Variants in IGSF11 observed in about 807,000 individuals in gnomAD.
IGSF11 encodes CXADR like 1.
In IGSF11, 22 loss-of-function variants were observed where a neutral mutation model predicts 41.0. The ratio of observed to expected loss-of-function variants is 0.54; its 90% CI spans 0.38 to 0.77. The LOEUF (loss-of-function observed/expected upper bound fraction) is 0.77, where lower values mean the gene tolerates loss of function less well. Among genes scored for constraint, IGSF11 ranks in the 30% least tolerant of loss-of-function variants. The pLI, the probability that IGSF11 is intolerant of heterozygous loss-of-function variation, is 0.00. For missense variants in IGSF11, 444 were observed against 530.8 expected, an observed-to-expected ratio of 0.84 and a Z score of 1.61; for synonymous variants, 219 against 201.3, an observed-to-expected ratio of 1.09 and a Z score of -0.74.
chr3:119,053,721 CA>C (rs1350568061), intron 1 of IGSF11, among the ~76,000 whole-genome samples: 3 of 151,926 alleles, frequency 2.0e-5, no homozygotes, highest in Non-Finnish European at 2.9e-5. Context: ...CAAGACTAAG[CA>C]AAAAGAACAA....
chr3:119,061,958 T>C (rs541646608), intron 1 of IGSF11, among the ~76,000 whole-genome samples: 2 of 152,318 alleles, frequency 1.3e-5, no homozygotes, highest in East Asian at 3.9e-4. Flanking sequence ...AAAGGTTTGC[T>C]TAATTTCAAC....
intron 1 of IGSF11, among the ~76,000 whole-genome samples, chr3:119,139,507 T>C (rs1224514159): frequency 1.3e-5 from 2 of 152,230 alleles, no homozygotes; most frequent in East Asian, 1.9e-4. Flanking sequence ...TGAGATCTGA[T>C]GGTTTTAAAA....
chr3:119,143,692 T>C (rs530929797), intron 1 of IGSF11, among the ~76,000 whole-genome samples: 1 of 152,240 alleles, frequency 6.6e-6, no homozygotes, highest in East Asian at 1.9e-4. Flanking sequence ...TTTTTTTAAA[T>C]GTGATCCAAC....
intron 1 of IGSF11, among the ~76,000 whole-genome samples, chr3:119,103,512 T>C (rs116456130): frequency 0.042 from 6,379 of 152,242 alleles, 152 homozygotes; most frequent in Non-Finnish European, 0.061. Flanking sequence ...GCTAAGATCT[T>C]CCTTTCTGCT....
At chr3:119,001,615 TC>T (rs1232174239) in intron 1 of IGSF11, among the ~76,000 whole-genome samples, 1 of 91,044 alleles carries the variant, frequency 1.1e-5, no homozygotes, top group East Asian at 3.8e-4. Context: ...ATGCTATCCC[TC>T]CCCCCTCCCC....
chr3:119,002,462 A>G (rs1937003645), intron 1 of IGSF11, among the ~76,000 whole-genome samples: 1 of 142,806 alleles, frequency 7.0e-6, no homozygotes, highest in Non-Finnish European at 1.5e-5. Flanking sequence ...GCTGTGCAGA[A>G]GCTCTTTAGT....
chr3:118,936,220 A>G (rs1943263479), intron 1 of IGSF11, among the ~76,000 whole-genome samples: 1 of 152,104 alleles, frequency 6.6e-6, no homozygotes, highest in Non-Finnish European at 1.5e-5. Flanking sequence ...TTAAAAATCC[A>G]CTTAGGCTGG....
At chr3:119,086,507 G>C (rs2076677484) in intron 1 of IGSF11, among the ~76,000 whole-genome samples, 1 of 151,998 alleles carries the variant, frequency 6.6e-6, no homozygotes, top group South Asian at 2.1e-4. Flanking sequence ...AATCTTAAAG[G>C]TAGCTAAAGA....
intron 4 of IGSF11, among the ~76,000 whole-genome samples, chr3:118,911,784 G>A (rs145883857): frequency 7.9e-5 from 12 of 152,124 alleles, no homozygotes; most frequent in South Asian, 4.2e-4. Context: ...TTACAACCAC[G>A]CCAAAAGAAT....
In IGSF11 at chr3:118,926,097, A is replaced by T; in HGVS notation, c.580+4T>A. 1 of 1,599,640 alleles carries T rather than the reference A, an allele frequency of 6.3e-7. No homozygotes were observed. The highest frequency in any genetic ancestry group is 8.5e-7 in the Non-Finnish European group (1 of 1,171,152). On this transcript the variant is annotated splice_donor_region_variant and intron_variant, in intron 4 of 6. Coordinates refer to ENST00000393775, the MANE Select transcript of IGSF11 (RefSeq NM_001015887.3). ...TAAAATGGGTAAAGCAGCACTGTAC[A>T]TACCCTGAGTAGCTGTTGGAGGTAG...
At chr3:119,084,675 G>A (rs991671998) in intron 1 of IGSF11, among the ~76,000 whole-genome samples, 8 of 152,340 alleles carry the variant, frequency 5.3e-5, no homozygotes, top group African/African-American at 1.9e-4. Context: ...GCTCCTGTCT[G>A]GCTGCCCTGC....
intron 1 of IGSF11, among the ~76,000 whole-genome samples, chr3:119,056,707 C>A (rs896933657): frequency 2.0e-5 from 3 of 152,114 alleles, no homozygotes; most frequent in Non-Finnish European, 2.9e-5. Context: ...GATGAACATT[C>A]ATGCAAAAAG....
At chr3:119,038,392 A>C (rs1487058569), upstream of IGSF11, among the ~76,000 whole-genome samples, 1 of 152,180 alleles carries the variant, frequency 6.6e-6, no homozygotes, top group East Asian at 1.9e-4. Context: ...ATTTACAAGG[A>C]GCTAAACAGC....
intron 1 of IGSF11, among the ~76,000 whole-genome samples, chr3:119,076,010 A>C (rs1448640758): frequency 6.6e-6 from 1 of 152,222 alleles, no homozygotes; most frequent in African/African-American, 2.4e-5. Flanking sequence ...ACTTCAAACT[A>C]TACTACAAGG....
chr3:119,090,343 A>G (rs1386948180), intron 1 of IGSF11, among the ~76,000 whole-genome samples: 2 of 152,226 alleles, frequency 1.3e-5, no homozygotes, highest in East Asian at 3.8e-4. Flanking sequence ...TATTCCTATC[A>G]AACTACCAAC....
At chr3:118,963,165 T>C (rs1945457259) in intron 1 of IGSF11, among the ~76,000 whole-genome samples, 1 of 152,184 alleles carries the variant, frequency 6.6e-6, no homozygotes, top group Non-Finnish European at 1.5e-5. Context: ...AAATGCTGAT[T>C]CAAGGACCCT....
intron 1 of IGSF11, among the ~76,000 whole-genome samples, chr3:119,136,352 C>A (rs1303506062): frequency 6.6e-6 from 1 of 151,930 alleles, no homozygotes; most frequent in Non-Finnish European, 1.5e-5. Context: ...GGACTTAACT[C>A]CTCAATAAAA....
At chr3:119,092,765 A>C (rs1377672299) in intron 1 of IGSF11, among the ~76,000 whole-genome samples, 3 of 152,192 alleles carry the variant, frequency 2.0e-5, no homozygotes, top group Admixed American at 2.0e-4. Context: ...TGCCCTATAC[A>C]GATATACCAT....
intron 4 of IGSF11, among the ~76,000 whole-genome samples, chr3:118,924,948 A>G (rs1279693070): frequency 6.6e-6 from 1 of 152,212 alleles, no homozygotes; most frequent in Admixed American, 6.5e-5. Flanking sequence ...GGCTATTTTA[A>G]TCATGTCACT....
Sources: allele counts gnomAD v4.1 joint callset (sites outside exome capture counted in the v4.1 genomes callset), GRCh38; gene constraint gnomAD v4.1.1; transcripts MANE v1.5; gene names NCBI Gene and HGNC (gene_info 2026-07-23, HGNC 2026-07-21).